ABCD3: variants seen among roughly 807,000 people sequenced by gnomAD.
ABCD3 encodes the protein ATP binding cassette subfamily D member 3.
A neutral mutation model predicts 105.5 loss-of-function variants in ABCD3; 41 were observed. The ratio of observed to expected loss-of-function variants is 0.39; its 90% CI spans 0.30 to 0.50. ABCD3 has a LOEUF of 0.50. Among genes scored for constraint, ABCD3 ranks in the 20% least tolerant of loss-of-function variants. The pLI is 0.84. For synonymous variants in ABCD3, 258 were observed against 269.0 expected (o/e 0.96, Z 0.40); for missense variants, 622 against 806.3 (o/e 0.77, Z 2.77).
intron 1 of ABCD3, among the ~76,000 whole-genome samples, chr1:94,421,659 A>G (rs1659263669): frequency 6.6e-6 from 1 of 152,016 alleles, no homozygotes; most frequent in African/African-American, 2.4e-5. Flanking sequence ...AAACTTAAAC[A>G]CTGATAGCAG....
In ABCD3 at chr1:94,487,606, C is replaced by A; in HGVS notation, c.962C>A (p.Ala321Asp). Reference sequence around the variant, plus strand: ...ATGGGCTTCATTGATAGTATTATTGCCAAATGTAAGTATATTTTGAAAGAG... The same window carrying A: ...ATGGGCTTCATTGATAGTATTATTGACAAATGTAAGTATATTTTGAAAGAG... ...FSMGFIDSII[A>D]KYLATVVGYL... The change falls in exon 11 of 23, where the codon GCC (alanine) becomes GAC (aspartate). Residue 321 changes from alanine (A) to aspartate (D), a missense_variant. By Grantham distance (126) the Ala-to-Asp change is moderately radical. Around this residue, in one of 4 missense-constraint regions of ABCD3, gnomAD observed 245 missense variants for 356.4 expected, o/e 0.69. Coordinates refer to ENST00000370214, the MANE Select transcript of ABCD3 (RefSeq NM_002858.4). The A allele has an allele frequency of 6.2e-7, 1 of 1,613,160 alleles. No homozygotes were observed. The highest frequency in any genetic ancestry group is 8.5e-7 in the Non-Finnish European group (1 of 1,179,366).
chr1:94,404,107 G>A, the ABCD3 span, among the ~76,000 whole-genome samples: 4 of 152,042 alleles, frequency 2.6e-5, no homozygotes, highest in African/African-American at 9.7e-5. Flanking sequence ...GTTTCCAGTT[G>A]CAATCCATCC....
At chr1:94,404,205 A>G in the ABCD3 span, among the ~76,000 whole-genome samples, 1 of 152,188 alleles carries the variant, frequency 6.6e-6, no homozygotes, top group Non-Finnish European at 1.5e-5. Context: ...AACAACATCA[A>G]TACCTTTGCT....
At chr1:94,503,161 G>C (rs1322322585) in intron 20 of ABCD3, among the ~76,000 whole-genome samples, 24 of 152,090 alleles carry the variant, frequency 1.6e-4, no homozygotes, top group Admixed American at 1.6e-3. Flanking sequence ...CAAAAAATTG[G>C]ACACTCCTGC....
chr1:94,471,266 T>C (rs1648443613), intron 4 of ABCD3, among the ~76,000 whole-genome samples: 1 of 151,954 alleles, frequency 6.6e-6, no homozygotes, highest in African/African-American at 2.4e-5. Context: ...AGTTGAAAAA[T>C]AGAATAAGGG....
At chr1:94,504,209 C>T (rs1334021241) in intron 20 of ABCD3, among the ~76,000 whole-genome samples, 1 of 151,966 alleles carries the variant, frequency 6.6e-6, no homozygotes, top group East Asian at 1.9e-4. Flanking sequence ...CTGCGCCCGG[C>T]CAGGTACAAG....
At chr1:94,454,841 AG>A (rs1647465973) in intron 1 of ABCD3, among the ~76,000 whole-genome samples, 1 of 152,006 alleles carries the variant, frequency 6.6e-6, no homozygotes, top group East Asian at 1.9e-4. Flanking sequence ...TAGTAGAGAC[AG>A]GGTTTTGCCA....
chr1:94,458,772 A>C (rs545637744), intron 2 of ABCD3, 129 bp downstream of exon 2: 3 of 865,292 alleles, frequency 3.5e-6, no homozygotes, highest in Admixed American at 2.3e-5. Context: ...TCTTCTACAC[A>C]TTACAGGAAT....
At chr1:94,483,330 C>T in intron 10 of ABCD3, 91 bp downstream of exon 10, 4 of 895,700 alleles carry the variant, frequency 4.5e-6, no homozygotes, top group African/African-American at 3.3e-5. Flanking sequence ...TACACACACA[C>T]ACAAACACAC....
upstream of ABCD3, among the ~76,000 whole-genome samples, chr1:94,416,554 A>G (rs1410556114): frequency 1.3e-5 from 2 of 152,132 alleles, no homozygotes; most frequent in African/African-American, 2.4e-5. Flanking sequence ...CAATACTCCA[A>G]AATGAAGGTC....
intron 8 of ABCD3, chr1:94,480,108 G>T: frequency 3.6e-6 from 1 of 273,986 alleles, no homozygotes. Context: ...AAGAAGGCAA[G>T]AAAAAGAGGT....
At chr1:94,510,604 A>G (rs940270233) in intron 21 of ABCD3, among the ~76,000 whole-genome samples, 7 of 152,138 alleles carry the variant, frequency 4.6e-5, no homozygotes, top group South Asian at 2.1e-4. Context: ...AAAGTCTCCC[A>G]TTATTAATGT....
At chr1:94,466,784 C>T (rs765524817) in intron 3 of ABCD3, among the ~76,000 whole-genome samples, 5 of 152,156 alleles carry the variant, frequency 3.3e-5, no homozygotes, top group Non-Finnish European at 7.4e-5. Flanking sequence ...TTAACTATTG[C>T]AGGGGTTCAA....
At chr1:94,489,613 A>T in intron 13 of ABCD3, 112 bp from the exon 14 acceptor site, 2 of 763,742 alleles carry the variant, frequency 2.6e-6, no homozygotes, top group Admixed American at 4.1e-5. Context: ...TGAGACTGTT[A>T]GGTTACTTCA....
At chr1:94,480,392 C>T in intron 8 of ABCD3, 72 bp from the exon 9 acceptor site, 1 of 1,572,080 alleles carries the variant, frequency 6.4e-7, no homozygotes, top group African/African-American at 1.4e-5. Context: ...AAAAATTGTA[C>T]ATGTTTGTAT....
the ABCD3 span, among the ~76,000 whole-genome samples, chr1:94,394,425 T>C: frequency 1.3e-3 from 200 of 152,330 alleles, no homozygotes; most frequent in Non-Finnish European, 2.5e-3. Flanking sequence ...GAAAAAGCAT[T>C]TTCCATGTCA....
chr1:94,466,794 A>G (rs894690089), intron 3 of ABCD3, among the ~76,000 whole-genome samples: 30 of 152,204 alleles, frequency 2.0e-4, no homozygotes, highest in African/African-American at 3.1e-4. Flanking sequence ...CAGGGGTTCA[A>G]TGAATGTAAA....
At chr1:94,458,721 A>G in intron 2 of ABCD3, 78 bp downstream of exon 2, 1 of 1,408,252 alleles carries the variant, frequency 7.1e-7, no homozygotes, top group Non-Finnish European at 1.0e-6. Context: ...CTGATTTAGG[A>G]TTAAATTTTA....
the ABCD3 span, among the ~76,000 whole-genome samples, chr1:94,411,729 G>C: frequency 1.3e-5 from 2 of 151,978 alleles, no homozygotes; most frequent in Admixed American, 6.6e-5. Context: ...ATAACCAAAA[G>C]GTAGAAACAA....
Sources: allele counts gnomAD v4.1 joint callset (sites outside exome capture counted in the v4.1 genomes callset), GRCh38; gene constraint gnomAD v4.1.1; regional missense constraint gnomAD v4.1.1; transcripts MANE v1.5; gene names NCBI Gene and HGNC (gene_info 2026-07-23, HGNC 2026-07-21).